Variants in EML4 observed in about 807,000 individuals in gnomAD.
EML4 encodes echinoderm microtubule-associated protein-like 4.
A neutral mutation model predicts 129.0 loss-of-function variants in EML4; 72 were observed. The observed-to-expected ratio is 0.56, with a 90% confidence interval of 0.46 to 0.68. The LOEUF is 0.68. Among genes scored for constraint, EML4 ranks in the 30% least tolerant of loss-of-function variants. The pLI, the probability that EML4 is intolerant of heterozygous loss-of-function variation, is 0.00. For missense variants in EML4, 1,363 were observed against 1,190.6 expected, an observed-to-expected ratio of 1.14 and a Z score of -2.13; for synonymous variants, 532 against 405.0, an observed-to-expected ratio of 1.31 and a Z score of -3.77.
intron 1 of EML4, among the ~76,000 whole-genome samples, chr2:42,209,757 C>T (rs1008141722): frequency 9.2e-5 from 14 of 152,216 alleles, no homozygotes; most frequent in Middle Eastern, 6.8e-3. Flanking sequence ...CGGAGAAACC[C>T]GGTCTCTATT....
intron 1 of EML4, among the ~76,000 whole-genome samples, chr2:42,243,607 T>C (rs1675179211): frequency 6.6e-6 from 1 of 152,180 alleles, no homozygotes; most frequent in Admixed American, 6.5e-5. Flanking sequence ...GAACCAGAAT[T>C]TGAAGTCTAG....
At chr2:42,254,474 CTAAG>C (rs1388584041) in intron 2 of EML4, among the ~76,000 whole-genome samples, 62 of 148,702 alleles carry the variant, frequency 4.2e-4, no homozygotes, top group East Asian at 9.8e-4. Context: ...AAAAAAAAGA[CTAAG>C]AAAGAAGAAA....
intron 1 of EML4, among the ~76,000 whole-genome samples, chr2:42,177,164 C>G (rs1670653591): frequency 1.3e-5 from 2 of 152,096 alleles, no homozygotes; most frequent in African/African-American, 2.4e-5. Context: ...TGAAGTCTTG[C>G]AGTGGAGATT....
At chr2:42,246,873 A>G (rs932367642) in intron 2 of EML4, among the ~76,000 whole-genome samples, 1 of 152,218 alleles carries the variant, frequency 6.6e-6, no homozygotes, top group African/African-American at 2.4e-5. Context: ...CGGCATTTAC[A>G]GCAATATTAG....
At chr2:42,239,891 G>T (rs1405285545) in intron 1 of EML4, among the ~76,000 whole-genome samples, 1 of 152,028 alleles carries the variant, frequency 6.6e-6, no homozygotes, top group African/African-American at 2.4e-5. Context: ...TTGTGAATGA[G>T]AATGGGGGCA....
In EML4 at chr2:42,328,903, T is replaced by A. The variant is rs778975115; in HGVS notation, c.2359T>A (p.Ser787Thr). The A allele has an allele frequency of 8.1e-6, 13 of 1,610,960 alleles. No individual in the cohort carries two copies. Among genetic ancestry groups the A allele is most frequent in the Non-Finnish European group, 1.1e-5 (13 of 1,178,582 alleles). The stretch of plus-strand genomic sequence containing the variant: ...TATCAAAGGTGTCTGGCCAGAAGGA[T>A]CTGATGGGACAGATATCAATGCACT... ...FQVFGVWPEG[S>T]DGTDINALVR... is the part of the protein sequence containing the mutation. Residue 787 changes from serine to threonine, a missense_variant, in exon 22 of 23, where the codon TCT (serine) becomes ACT (threonine). Transcript: ENST00000318522.
At chr2:42,222,067 T>C (rs1240974591) in intron 1 of EML4, among the ~76,000 whole-genome samples, 1 of 152,120 alleles carries the variant, frequency 6.6e-6, no homozygotes, top group African/African-American at 2.4e-5. Flanking sequence ...GTCTTCTCTC[T>C]CTGTAGCCAT....
intron 10 of EML4, among the ~76,000 whole-genome samples, chr2:42,287,380 G>T (rs565860954): frequency 6.6e-6 from 1 of 152,110 alleles, no homozygotes; most frequent in South Asian, 2.1e-4. Context: ...CTGTTGTCAG[G>T]TTGTTGATAA....
chr2:42,185,563 A>C (rs568400984), intron 1 of EML4, among the ~76,000 whole-genome samples: 3 of 152,308 alleles, frequency 2.0e-5, no homozygotes, highest in African/African-American at 7.2e-5. Flanking sequence ...TTCTTTAACT[A>C]TACTCTCCTG....
intron 1 of EML4, among the ~76,000 whole-genome samples, chr2:42,236,789 G>C (rs1043043354): frequency 6.6e-6 from 1 of 152,048 alleles, no homozygotes; most frequent in Non-Finnish European, 1.5e-5. Flanking sequence ...ATGTTGGAGA[G>C]CTTGTATCCC....
chr2:42,197,619 C>A (rs1249320721), intron 1 of EML4, among the ~76,000 whole-genome samples: 2 of 151,054 alleles, frequency 1.3e-5, no homozygotes, highest in African/African-American at 2.4e-5. Context: ...ATCTGTTCTA[C>A]AAATGAGTAA....
chr2:42,239,805 C>G (rs570843226), intron 1 of EML4, among the ~76,000 whole-genome samples: 3 of 152,010 alleles, frequency 2.0e-5, no homozygotes, highest in African/African-American at 7.2e-5. Context: ...ATCTAATCTA[C>G]TTGATCAAGA....
At chr2:42,195,020 A>G (rs1455110220) in intron 1 of EML4, among the ~76,000 whole-genome samples, 2 of 152,204 alleles carry the variant, frequency 1.3e-5, no homozygotes, top group African/African-American at 2.4e-5. Flanking sequence ...TCAGTATTAT[A>G]TTATAAAATT....
chr2:42,252,612 G>A (rs1675851745), intron 2 of EML4, among the ~76,000 whole-genome samples: 2 of 151,916 alleles, frequency 1.3e-5, no homozygotes, highest in African/African-American at 2.4e-5. Flanking sequence ...TTTGTTCTAC[G>A]TGCTGGCCAC....
At chr2:42,319,607 G>C (rs930893757) in intron 19 of EML4, 1 of 152,196 alleles carries the variant, frequency 6.6e-6, no homozygotes, top group Non-Finnish European at 1.5e-5. Context: ...ATTGTCTGCT[G>C]TTATATAGGA....
chr2:42,259,118 G>A lies in EML4; in HGVS notation c.339-2003G>A, dbSNP rs769273563. Among the ~76,000 whole-genome samples the A allele has an allele frequency of 2.0e-5, 3 of 151,998 alleles. No individual in the cohort carries two copies. In the South Asian group the frequency reaches 6.2e-4, roughly 31 times the overall value. ...AAAAATTAGCTGGGTGTGGTGGCGG[G>A]CGCCTGTAATCTCAGCTGCTGGGGA... On this transcript the variant is annotated intron_variant, in intron 3 of 22. Coordinates refer to ENST00000318522, the MANE Select transcript of EML4 (RefSeq NM_019063.5).
chr2:42,200,804 G>A (rs963266148), intron 1 of EML4, among the ~76,000 whole-genome samples: 1 of 152,134 alleles, frequency 6.6e-6, no homozygotes, highest in South Asian at 2.1e-4. Flanking sequence ...AATCTTTGGT[G>A]GGAGAAAGAA....
At chr2:42,308,351 T>A (rs1668733650) in intron 17 of EML4, among the ~76,000 whole-genome samples, 2 of 151,646 alleles carry the variant, frequency 1.3e-5, no homozygotes, top group African/African-American at 4.8e-5. Context: ...ACAAGAAAAA[T>A]TTTAAAATTA....
chr2:42,240,482 G>T (rs564051141), intron 1 of EML4, among the ~76,000 whole-genome samples: 1 of 152,034 alleles, frequency 6.6e-6, no homozygotes, highest in African/African-American at 2.4e-5. Context: ...GTGTGTTTTG[G>T]TGTGTGTCTA....
Sources: allele counts gnomAD v4.1 joint callset (sites outside exome capture counted in the v4.1 genomes callset), GRCh38; gene constraint gnomAD v4.1.1; transcripts MANE v1.5; gene names NCBI Gene and HGNC (gene_info 2026-07-23, HGNC 2026-07-21).